Variants in CPEB3 observed in about 807,000 individuals in gnomAD.
CPEB3 encodes the protein cytoplasmic polyadenylation element binding protein 3.
A neutral mutation model predicts 67.2 loss-of-function variants in CPEB3; 20 were observed. The observed-to-expected ratio is 0.30, with a 90% CI of 0.21 to 0.43. The LOEUF (loss-of-function observed/expected upper bound fraction) is 0.43, where lower values mean the gene tolerates loss of function less well. Ranked by LOEUF, CPEB3 falls within the 20% of genes least tolerant of loss-of-function variation. The pLI is 1.00. For missense variants in CPEB3, 746 were observed against 968.6 expected, an observed-to-expected ratio of 0.77 and a Z score of 3.05; for synonymous variants, 376 against 393.1, an observed-to-expected ratio of 0.96 and a Z score of 0.51.
At chr10:92,232,722 CA>C (rs1851330749) in intron 2 of CPEB3, among the ~76,000 whole-genome samples, 1 of 147,752 alleles carries the variant, frequency 6.8e-6, no homozygotes, top group African/African-American at 2.5e-5. Flanking sequence ...CGTGCCACTG[CA>C]TTCCAGCCTG....
At chr10:92,253,864 T>A (rs1225159014) in intron 1 of CPEB3, among the ~76,000 whole-genome samples, 1 of 152,002 alleles carries the variant, frequency 6.6e-6, no homozygotes, top group East Asian at 1.9e-4. Context: ...GCTAAAGAAA[T>A]AAACTAGGGG....
chr10:92,202,903 T>C (rs549859300), intron 2 of CPEB3, among the ~76,000 whole-genome samples: 1 of 151,992 alleles, frequency 6.6e-6, no homozygotes, highest in East Asian at 1.9e-4. Flanking sequence ...ATAAATCTAT[T>C]ATTTTTATTT....
rs77493311 is a variant in CPEB3 at position 92,217,272 on chromosome 10, C to T, written c.1005+22074G>A. ...ATACACACACACACACACACACACA[C>T]ATATATATATGCACAGAATAAAATT... On this transcript the variant is annotated intron_variant, in intron 2 of 9. Coordinates refer to ENST00000265997, the MANE Select transcript of CPEB3 (RefSeq NM_014912.5). 5.9e-3 allele frequency among the ~76,000 whole-genome samples: 776 copies of T among 131,524 alleles called. 11 individuals are homozygous for T. The highest frequency in any genetic ancestry group is 0.022 in the African/African-American group (717 of 33,106). The allele number at this position is 131,524 out of a possible 152,430, so 86.3% of individuals were successfully genotyped here. A position where few individuals can be genotyped will look rare whatever the true frequency, so the allele number is the denominator to read the frequency against.
intron 8 of CPEB3, among the ~76,000 whole-genome samples, chr10:92,087,615 G>C (rs1160402301): frequency 6.6e-6 from 1 of 152,160 alleles, no homozygotes; most frequent in Non-Finnish European, 1.5e-5. Context: ...AGAAATTTGG[G>C]ATCAGAGGAA....
Position 92,070,333 on chromosome 10 carries a change from T to C in CPEB3, c.1869+10987A>G, listed in dbSNP as rs191362286. Among the ~76,000 whole-genome samples the C allele has an allele frequency of 3.7e-3, 566 of 152,308 alleles. 2 individuals are homozygous for C. Among genetic ancestry groups the C allele is most frequent in the Non-Finnish European group, 4.7e-3 (323 of 68,030 alleles). ...TCCAAACTCATTTGACTCAGCAAAA[T>C]TTTTTAAATAAAATAGATAATAAAA... On this transcript the variant is annotated intron_variant, in intron 9 of 9. Transcript: ENST00000265997.
intron 1 of CPEB3, among the ~76,000 whole-genome samples, chr10:92,267,705 C>A (rs1564921151): frequency 6.6e-6 from 1 of 152,094 alleles, no homozygotes; most frequent in Non-Finnish European, 1.5e-5. Context: ...AAGGACTGAA[C>A]AGGAAGTGAA....
intron 8 of CPEB3, among the ~76,000 whole-genome samples, chr10:92,090,831 G>T (rs1843585779): frequency 6.6e-6 from 1 of 152,138 alleles, no homozygotes; most frequent in South Asian, 2.1e-4. Context: ...GATAAAAGGG[G>T]AGCATCTCTG....
chr10:92,071,070 TACACACAC>T (rs58497259), intron 9 of CPEB3, among the ~76,000 whole-genome samples: 3,423 of 147,608 alleles, frequency 0.023, 68 homozygotes, highest in African/African-American at 0.06. Flanking sequence ...CACTTTCATT[TACACACAC>T]ACACACACAC....
At chr10:92,066,493 G>C (rs1454346709) in intron 9 of CPEB3, among the ~76,000 whole-genome samples, 1 of 152,130 alleles carries the variant, frequency 6.6e-6, no homozygotes, top group Non-Finnish European at 1.5e-5. Context: ...GTGAACCTGG[G>C]CACCCCATGA....
At chr10:92,237,863 GA>G (rs996239685) in intron 2 of CPEB3, among the ~76,000 whole-genome samples, 20 of 151,982 alleles carry the variant, frequency 1.3e-4, no homozygotes, top group Non-Finnish European at 1.5e-5. Context: ...TTTAGAATGG[GA>G]AAAAAATATA....
chr10:92,133,932 A>G (rs1845965070), intron 6 of CPEB3, among the ~76,000 whole-genome samples: 1 of 152,254 alleles, frequency 6.6e-6, no homozygotes, highest in Non-Finnish European at 1.5e-5. Context: ...GATTATCTCA[A>G]TAGATGCAGG....
chr10:92,170,284 A>G (rs188160343), intron 4 of CPEB3, among the ~76,000 whole-genome samples: 1 of 152,356 alleles, frequency 6.6e-6, no homozygotes, highest in African/African-American at 2.4e-5. Context: ...ATAAGATACT[A>G]ATACAACTTC....
At chr10:92,096,722 T>A (rs952937299) in intron 7 of CPEB3, among the ~76,000 whole-genome samples, 5 of 152,140 alleles carry the variant, frequency 3.3e-5, no homozygotes, top group African/African-American at 4.8e-5. Flanking sequence ...GGTGGGCAGA[T>A]CATTTGAGGT....
At chr10:92,182,208 C>G (rs2421831) in intron 3 of CPEB3, among the ~76,000 whole-genome samples, 53,695 of 152,008 alleles carry the variant, frequency 0.35, 10,696 homozygotes, top group African/African-American at 0.53. Context: ...CAGTATTTTG[C>G]GGAGAAAGTA....
intron 2 of CPEB3, chr10:92,216,471 T>C (rs921813512): frequency 6.8e-6 from 11 of 1,612,842 alleles, no homozygotes; most frequent in Non-Finnish European, 9.3e-6. Flanking sequence ...AAGCGGAAGC[T>C]CTACAAATGC....
At chr10:92,170,754 A>G (rs541131671) in intron 4 of CPEB3, among the ~76,000 whole-genome samples, 1 of 152,332 alleles carries the variant, frequency 6.6e-6, no homozygotes, top group African/African-American at 2.4e-5. Flanking sequence ...TTGTAATCAC[A>G]TAACAGAGTA....
chr10:92,216,038 G>C (rs1355480283), intron 2 of CPEB3, among the ~76,000 whole-genome samples: 1 of 99,968 alleles, frequency 1.0e-5, no homozygotes, highest in African/African-American at 3.8e-5. Flanking sequence ...CTGAGCCACC[G>C]CGCCCAGCTC....
chr10:92,265,149 G>C (rs1852996427), intron 1 of CPEB3, among the ~76,000 whole-genome samples: 1 of 151,436 alleles, frequency 6.6e-6, no homozygotes, highest in Non-Finnish European at 1.5e-5. Flanking sequence ...AACACAGCGA[G>C]ACTCCGCCTC....
chr10:92,216,481 C>G (rs1043543282), intron 2 of CPEB3: 127 of 1,612,822 alleles, frequency 7.9e-5, no homozygotes, highest in Non-Finnish European at 1.0e-4. Flanking sequence ...TCTACAAATG[C>G]ATTAAGAAAG....
Sources: gnomAD v4.1 joint callset for allele counts (sites outside exome capture counted in the v4.1 genomes callset) on GRCh38, gnomAD v4.1.1 for gene constraint, MANE v1.5 for transcripts, NCBI Gene and HGNC (gene_info 2026-07-23, HGNC 2026-07-21) for gene names.